ROPN1L: variants seen among roughly 807,000 people sequenced by gnomAD.
ROPN1L encodes ropporin-1-like protein.
Under a neutral mutation model 22.7 loss-of-function variants are expected in ROPN1L, and 23 were observed. That is an observed-to-expected ratio of 1.01 (90% confidence interval 0.73 to 1.43). The LOEUF is 1.43. Among genes scored for constraint, ROPN1L ranks in the 40% most tolerant of loss-of-function variants. ROPN1L has a pLI of 0.00. For synonymous variants in ROPN1L, 116 were observed against 117.8 expected, an observed-to-expected ratio of 0.98 and a Z score of 0.10; for missense variants, 271 against 291.5, an observed-to-expected ratio of 0.93 and a Z score of 0.51.
rs186357787 is a variant in ROPN1L at position 10,456,864 on chromosome 5, A to G, written c.418-4320A>G. Among the ~76,000 whole-genome samples, 14 of 152,240 alleles carry G rather than the reference A, an allele frequency of 9.2e-5. No individual in the cohort carries two copies. The East Asian group carries it at 2.7e-3, about 29-fold the overall frequency. On this transcript the variant is annotated intron_variant, in intron 3 of 4. Transcript: ENST00000274134. ...AATACCGCTTCCTCTGAAGCCTTGG[A>G]ACGGCGCGTTACACAGATCTCATCT...
the ROPN1L span, among the ~76,000 whole-genome samples, chr5:10,480,945 A>G: frequency 1.3e-5 from 2 of 152,088 alleles, no homozygotes. Flanking sequence ...GCAGGGGGAG[A>G]CAGGAAGGGC....
At chr5:10,446,012 G>T (rs2011318) in intron 1 of ROPN1L, among the ~76,000 whole-genome samples, 1 of 152,148 alleles carries the variant, frequency 6.6e-6, no homozygotes, top group South Asian at 2.1e-4. Flanking sequence ...TGCTTTTCAG[G>T]TGGGCAAATA....
chr5:10,452,807 A>G (rs189891110), intron 3 of ROPN1L, among the ~76,000 whole-genome samples: 5 of 152,322 alleles, frequency 3.3e-5, no homozygotes, highest in Admixed American at 3.3e-4. Context: ...AATTGTGAAA[A>G]TTAAGCACTA....
At chr5:10,448,991 C>T (rs1741168384) in intron 2 of ROPN1L, among the ~76,000 whole-genome samples, 1 of 152,240 alleles carries the variant, frequency 6.6e-6, no homozygotes, top group African/African-American at 2.4e-5. Context: ...CTAAAAGAGA[C>T]ACCAGTGGCA....
At chr5:10,481,642 G>A in the ROPN1L span, among the ~76,000 whole-genome samples, 3 of 152,352 alleles carry the variant, frequency 2.0e-5, no homozygotes, top group East Asian at 5.8e-4. Flanking sequence ...GTTAATACAA[G>A]CTTAATGTTT....
chr5:10,450,390 G>T (rs1203911528), intron 3 of ROPN1L, among the ~76,000 whole-genome samples: 3 of 152,144 alleles, frequency 2.0e-5, no homozygotes, highest in Admixed American at 6.5e-5. Context: ...ATGCATCAAT[G>T]ACTTTTTAAA....
chr5:10,443,389 G>A (rs1353217990), intron 1 of ROPN1L, among the ~76,000 whole-genome samples: 5 of 151,674 alleles, frequency 3.3e-5, no homozygotes, highest in Non-Finnish European at 4.4e-5. Flanking sequence ...TTGGGAGGCC[G>A]AGGCGGGTGG....
intron 4 of ROPN1L, among the ~76,000 whole-genome samples, chr5:10,461,760 T>C (rs982745809): frequency 6.6e-6 from 1 of 152,170 alleles, no homozygotes; most frequent in Non-Finnish European, 1.5e-5. Flanking sequence ...GTCAATTAAT[T>C]TGCTAGAATG....
the ROPN1L span, among the ~76,000 whole-genome samples, chr5:10,480,511 C>T: frequency 6.6e-6 from 1 of 151,730 alleles, no homozygotes; most frequent in African/African-American, 2.4e-5. Context: ...ATTGAGACTG[C>T]GTGTGCTTGG....
chr5:10,461,413 T>A, intron 4 of ROPN1L, 54 bp downstream of exon 4: 1 of 1,493,174 alleles, frequency 6.7e-7, no homozygotes. Flanking sequence ...GAGAATTTCC[T>A]GTTTCACTTC....
the ROPN1L span, among the ~76,000 whole-genome samples, chr5:10,480,269 G>T: frequency 2.0e-5 from 3 of 152,232 alleles, no homozygotes; most frequent in East Asian, 5.8e-4. Flanking sequence ...TCATTAATTC[G>T]AAAAGCATTT....
At chr5:10,449,334 C>T (rs1056950163) in intron 2 of ROPN1L, among the ~76,000 whole-genome samples, 1 of 152,086 alleles carries the variant, frequency 6.6e-6, no homozygotes, top group African/African-American at 2.4e-5. Flanking sequence ...GCCTGGCCAA[C>T]AAGGTGAAAC....
At chr5:10,465,238 G>A (rs144121932), downstream of ROPN1L, among the ~76,000 whole-genome samples, 162 of 152,312 alleles carry the variant, frequency 1.1e-3, no homozygotes, top group African/African-American at 3.1e-3. Flanking sequence ...TTTTTGGGCC[G>A]GGCGCGTTGG....
At chr5:10,450,575 C>T (rs528822361) in intron 3 of ROPN1L, among the ~76,000 whole-genome samples, 5 of 152,092 alleles carry the variant, frequency 3.3e-5, no homozygotes, top group South Asian at 4.1e-4. Context: ...CTCGGCTCAC[C>T]GCAACCTCCG....
At chr5:10,465,713 G>A (rs74347444), downstream of ROPN1L, among the ~76,000 whole-genome samples, 601 of 151,858 alleles carry the variant, frequency 4.0e-3, 12 homozygotes, top group East Asian at 0.054. Context: ...TTAGCCAGGC[G>A]TGGCGGTGGG....
chr5:10,455,807 G>T (rs1401429151), intron 3 of ROPN1L, among the ~76,000 whole-genome samples: 1 of 149,376 alleles, frequency 6.7e-6, no homozygotes, highest in Non-Finnish European at 1.5e-5. Flanking sequence ...ACCAGTGCTC[G>T]GTCAGAGGCT....
downstream of ROPN1L, among the ~76,000 whole-genome samples, chr5:10,476,679 G>C (rs908408849): frequency 6.6e-6 from 1 of 152,036 alleles, no homozygotes; most frequent in African/African-American, 2.4e-5. Context: ...GGTGTAGAAG[G>C]ACGGTGATAT....
rs1195710577 is a variant in ROPN1L, at chr5:10,442,180, G to T, written c.13G>T (p.Asp5Tyr). MPLP[D>Y]TMFCAQQIHI... The stretch of plus-strand genomic sequence containing the variant: ...TCTGCGGAGAGCGATGCCGCTTCCC[G>T]ACACCATGTTCTGCGCTCAGCAGAT... The change falls in exon 1 of 5, where the codon GAC (aspartate) becomes TAC (tyrosine). Residue 5 changes from aspartate (D) to tyrosine (Y), a missense_variant. Transcript: ENST00000274134. 1 of 1,613,514 alleles carries T rather than the reference G, an allele frequency of 6.2e-7. No individual in the cohort carries two copies. Among genetic ancestry groups the T allele is most frequent in the Non-Finnish European group, 8.5e-7 (1 of 1,179,702 alleles).
intron 1 of ROPN1L, among the ~76,000 whole-genome samples, chr5:10,443,221 G>GA (rs1255326004): frequency 1.4e-4 from 21 of 151,374 alleles, no homozygotes; most frequent in East Asian, 7.7e-4. Flanking sequence ...AATTTAAAAA[G>GA]AAAAAAAACA....
Sources: allele counts gnomAD v4.1 joint callset (sites outside exome capture counted in the v4.1 genomes callset), GRCh38; gene constraint gnomAD v4.1.1; transcripts MANE v1.5; gene names NCBI Gene and HGNC (gene_info 2026-07-23, HGNC 2026-07-21).